MRPL22: variants seen among roughly 807,000 people sequenced by gnomAD.
MRPL22 encodes large ribosomal subunit protein uL22m.
Under a neutral mutation model 32.4 loss-of-function variants are expected in MRPL22, and 27 were observed. The ratio of observed to expected loss-of-function variants is 0.83; its 90% CI spans 0.61 to 1.15. MRPL22 has a LOEUF of 1.15. Ranked by LOEUF, MRPL22 falls within the 50% of genes most tolerant of loss-of-function variation. The probability of loss-of-function intolerance (pLI) is 0.00; values close to 1 mark genes in which losing one functional copy is unlikely to be tolerated. For synonymous variants in MRPL22, 86 were observed against 87.3 expected (o/e 0.99, Z 0.08); for missense variants, 239 against 260.2 (o/e 0.92, Z 0.56).
intron 5 of MRPL22, among the ~76,000 whole-genome samples, chr5:154,959,643 A>G (rs778095670): frequency 2.6e-4 from 39 of 152,170 alleles, no homozygotes; most frequent in Non-Finnish European, 4.7e-4. Context: ...GAACCACTGC[A>G]TCTGGCCTTG....
intron 2 of MRPL22, among the ~76,000 whole-genome samples, chr5:154,943,086 A>T (rs567812131): frequency 7.0e-4 from 107 of 152,316 alleles, no homozygotes; most frequent in African/African-American, 2.6e-3. Context: ...AATAATGTTC[A>T]TGATAACCAT....
Position 154,967,079 on chromosome 5 carries a change from G to A in MRPL22, c.*182G>A, listed in dbSNP as rs1462939163. On this transcript the variant is annotated 3_prime_UTR_variant, in exon 7 of 7. Coordinates refer to ENST00000523037, the MANE Select transcript of MRPL22 (RefSeq NM_014180.4). The surrounding 1 kb of genome is among the most constrained non-coding windows in gnomAD (Gnocchi z 4.7). ...TTCTTTTGAGCCTCTGGGCATATTTGTATGCATTTGCGACTTGGAAGGGGA... is the reference window on the plus strand; with the variant it reads ...TTCTTTTGAGCCTCTGGGCATATTTATATGCATTTGCGACTTGGAAGGGGA... The A allele has an allele frequency of 7.2e-6, 5 of 691,170 alleles. No homozygotes were observed. The highest frequency in any genetic ancestry group is 7.2e-5 in the African/African-American group (4 of 55,422). The allele number at this position is 691,170 out of a possible 1,614,324, so 42.8% of individuals were successfully genotyped here. A position where few individuals can be genotyped will look rare whatever the true frequency, so the allele number is the denominator to read the frequency against.
At chr5:154,961,115 C>T (rs1486550605) in intron 6 of MRPL22, among the ~76,000 whole-genome samples, 2 of 152,148 alleles carry the variant, frequency 1.3e-5, no homozygotes, top group Non-Finnish European at 2.9e-5. Flanking sequence ...CTCAGTTCAA[C>T]TCACCTGGCA....
intron 6 of MRPL22, among the ~76,000 whole-genome samples, chr5:154,964,011 G>A (rs1764736193): frequency 6.6e-6 from 1 of 152,158 alleles, no homozygotes; most frequent in Non-Finnish European, 1.5e-5. Flanking sequence ...GTTTGACCTC[G>A]AGTAGATAAA....
At chr5:154,941,538 C>T (rs1304307947) in intron 2 of MRPL22, among the ~76,000 whole-genome samples, 1 of 152,206 alleles carries the variant, frequency 6.6e-6, no homozygotes, top group Non-Finnish European at 1.5e-5. Flanking sequence ...TAGACTATTC[C>T]ATCTCCATAT....
At chr5:154,964,235 A>AGCCCAGGACAGAGCCTGGT (rs1252064193) in intron 6 of MRPL22, among the ~76,000 whole-genome samples, 1 of 152,210 alleles carries the variant, frequency 6.6e-6, no homozygotes, top group African/African-American at 2.4e-5. Flanking sequence ...ATATCCTTGG[A>AGCCCAGGACAGAGCCTGGT]GCCCAGGACA....
At position 154,965,529 on chromosome 5, in the gene MRPL22, A is replaced by G. The variant is rs561989794; in HGVS notation, c.410-1157A>G. Among the ~76,000 whole-genome samples, 19 of 150,534 alleles carry G rather than the reference A, an allele frequency of 1.3e-4. No individual in the cohort carries two copies. The East Asian group carries it at 3.2e-3, about 25-fold the overall frequency. Reference sequence around the variant, plus strand: ...AACCTCTGCCTCTCGGGTTCAAGCGATTCTCTTGCCTCAGCCTCCCAAGTA... The same window carrying G: ...AACCTCTGCCTCTCGGGTTCAAGCGGTTCTCTTGCCTCAGCCTCCCAAGTA... On this transcript the variant is annotated intron_variant, in intron 6 of 6. Transcript: ENST00000523037.
intron 2 of MRPL22, among the ~76,000 whole-genome samples, chr5:154,946,690 G>A (rs1764496182): frequency 6.6e-6 from 1 of 151,928 alleles, no homozygotes; most frequent in African/African-American, 2.4e-5. Flanking sequence ...GTGCGGTGGT[G>A]CGTCCCTGTA....
intron 2 of MRPL22, among the ~76,000 whole-genome samples, chr5:154,949,880 AC>A (rs981463517): frequency 2.0e-5 from 3 of 152,210 alleles, no homozygotes; most frequent in African/African-American, 7.2e-5. Context: ...CCAATACTTA[AC>A]AAATTCTCTG....
intron 6 of MRPL22, among the ~76,000 whole-genome samples, chr5:154,965,685 G>A (rs749017543): frequency 1.3e-5 from 2 of 152,150 alleles, no homozygotes; most frequent in Non-Finnish European, 2.9e-5. Context: ...GCCTCCCAAA[G>A]TGCTGAGATT....
chr5:154,950,763 ACT>A, intron 2 of MRPL22, 56 bp from the exon 3 acceptor site: 1 of 1,091,370 alleles, frequency 9.2e-7, no homozygotes, highest in Non-Finnish European at 1.4e-6. Context: ...AGATATGTAA[ACT>A]CTACAGAAAG....
chr5:154,966,519 C>T (rs1443900876), intron 6 of MRPL22, among the ~76,000 whole-genome samples, 167 bp from the exon 7 acceptor site: 1 of 152,206 alleles, frequency 6.6e-6, no homozygotes, highest in Non-Finnish European at 1.5e-5. Context: ...AGTGCCTGGT[C>T]CTTAGTTAGC....
Position 154,960,824 on chromosome 5 carries a change from C to T in MRPL22, c.409+775C>T, listed in dbSNP as rs138842691. ...TGGAGTTATTATTTTTTTCTCACTA[C>T]AGCAATTACTCCTAACCTCAGCAGT... On this transcript the variant is annotated intron_variant, in intron 6 of 6. Coordinates refer to ENST00000523037, the MANE Select transcript of MRPL22 (RefSeq NM_014180.4). Among the ~76,000 whole-genome samples, 417 of 152,294 alleles carry T rather than the reference C, an allele frequency of 2.7e-3. 3 individuals are homozygous for T. Among genetic ancestry groups the T allele is most frequent in the African/African-American group, 9.8e-3 (407 of 41,558 alleles).
At chr5:154,946,521 TAAA>T (rs1306445613) in intron 2 of MRPL22, among the ~76,000 whole-genome samples, 21 of 152,074 alleles carry the variant, frequency 1.4e-4, no homozygotes, top group African/African-American at 4.8e-4. Flanking sequence ...TTTATGCCCT[TAAA>T]AAAAGAAACA....
In MRPL22 at chr5:154,956,391, A is replaced by T. The variant is rs1456895603; in HGVS notation, c.216A>T (p.Arg72Ser). 1 of 1,610,438 alleles carries T rather than the reference A, an allele frequency of 6.2e-7. No homozygotes were observed. Among genetic ancestry groups the T allele is most frequent in the African/African-American group, 1.3e-5 (1 of 74,802 alleles). ...GTAAGGAAATCTACCACTGTCGAAG[A>T]CAAATAAAATATAGCAAAGACAAGA... ...RRPAEIYHCR[R>S]QIKYSKDKMW... is the part of the protein sequence containing the mutation. The change falls in exon 4 of 7, where the codon AGA becomes AGT. Residue 72 changes from arginine to serine, a missense_variant. Arg to Ser is a moderately radical substitution (Grantham distance 110). Coordinates refer to ENST00000523037, the MANE Select transcript of MRPL22 (RefSeq NM_014180.4).
chr5:154,942,111 TTTTA>T (rs773256835), intron 2 of MRPL22, among the ~76,000 whole-genome samples: 1 of 152,102 alleles, frequency 6.6e-6, no homozygotes, highest in African/African-American at 2.4e-5. Context: ...ATTTTTTAAT[TTTTA>T]TTTATTTATT....
At chr5:154,954,665 T>C (rs1289222155) in intron 3 of MRPL22, among the ~76,000 whole-genome samples, 1 of 152,232 alleles carries the variant, frequency 6.6e-6, no homozygotes, top group African/African-American at 2.4e-5. Context: ...TAAACACTTC[T>C]TCCTTTTTGC....
In MRPL22 at chr5:154,950,835, CAT is replaced by C. The variant is rs1166763538; in HGVS notation, c.97_98del (p.Ile33ProfsTer7). ...TCATTTCACAGTGTTTTACCTCAATCATATATCCACACAAGTGCTTCTCTTGA... is the reference window on the plus strand; with the variant it reads ...TCATTTCACAGTGTTTTACCTCAATCATATCCACACAAGTGCTTCTCTTGA... On this transcript the variant is annotated frameshift_variant, in exon 3 of 7. Transcript: ENST00000523037. LOFTEE classifies it high-confidence loss of function. The C allele has an allele frequency of 6.2e-7, 1 of 1,608,928 alleles. No individual in the cohort carries two copies. Among genetic ancestry groups the C allele is most frequent in the Non-Finnish European group, 8.5e-7 (1 of 1,175,588 alleles).
At chr5:154,959,532 C>T (rs971421291) in intron 5 of MRPL22, among the ~76,000 whole-genome samples, 5 of 151,602 alleles carry the variant, frequency 3.3e-5, no homozygotes, top group African/African-American at 7.3e-5. Flanking sequence ...TTAGTAGAGG[C>T]GGGGTTTTGA....
Sources: allele counts gnomAD v4.1 joint callset (sites outside exome capture counted in the v4.1 genomes callset), GRCh38; gene constraint gnomAD v4.1.1; non-coding constraint Gnocchi (gnomAD v3.1); transcripts MANE v1.5; gene names NCBI Gene and HGNC (gene_info 2026-07-23, HGNC 2026-07-21).